Variants in SNTB1 observed in about 807,000 individuals in gnomAD.
SNTB1 encodes the protein syntrophin beta 1.
A neutral mutation model predicts 48.9 loss-of-function variants in SNTB1; 36 were observed. The ratio of observed to expected loss-of-function variants is 0.74; its 90% CI spans 0.56 to 0.97. SNTB1 has a LOEUF of 0.97. SNTB1 is among the 50% of genes least tolerant of loss of function. The pLI is 0.00. For synonymous variants in SNTB1, 299 were observed against 294.6 expected, an observed-to-expected ratio of 1.01 and a Z score of -0.15; for missense variants, 786 against 703.4, an observed-to-expected ratio of 1.12 and a Z score of -1.33.
chr8:120,731,782 C>T (rs1274903686), intron 1 of SNTB1, among the ~76,000 whole-genome samples: 2 of 152,234 alleles, frequency 1.3e-5, no homozygotes, highest in African/African-American at 2.4e-5. Flanking sequence ...TCCTCTCTAT[C>T]ACCCAGACCC....
intron 2 of SNTB1, among the ~76,000 whole-genome samples, chr8:120,683,412 C>T (rs1418132760): frequency 3.3e-5 from 5 of 151,638 alleles, no homozygotes; most frequent in Admixed American, 2.0e-4. Context: ...GAAAAATGTG[C>T]TTGTTTGTGT....
At chr8:120,712,900 C>G (rs1347207243) in intron 1 of SNTB1, among the ~76,000 whole-genome samples, 1 of 152,092 alleles carries the variant, frequency 6.6e-6, no homozygotes, top group Admixed American at 6.5e-5. Flanking sequence ...ATGATCCAGC[C>G]CTAGCATTAC....
chr8:120,618,055 G>A (rs763091918), intron 3 of SNTB1, among the ~76,000 whole-genome samples: 8 of 152,094 alleles, frequency 5.3e-5, no homozygotes, highest in Non-Finnish European at 1.2e-4. Flanking sequence ...CATGCATTTT[G>A]CGTCTTTATG....
chr8:120,721,184 G>A (rs1015888110), intron 1 of SNTB1, among the ~76,000 whole-genome samples: 18 of 152,102 alleles, frequency 1.2e-4, no homozygotes, highest in African/African-American at 4.1e-4. Flanking sequence ...CACATATTTG[G>A]TTAAGATTTC....
intron 2 of SNTB1, among the ~76,000 whole-genome samples, chr8:120,674,338 T>A (rs1817801777): frequency 6.6e-6 from 1 of 152,198 alleles, no homozygotes. Flanking sequence ...CACTGTCTAC[T>A]CTGAGCCAGT....
At chr8:120,567,416 C>CT (rs10699484) in intron 4 of SNTB1, among the ~76,000 whole-genome samples, 112,843 of 134,748 alleles carry the variant, frequency 0.84, 47,927 homozygotes, top group Middle Eastern at 0.91. Flanking sequence ...GGTTGAGCTC[C>CT]TTTTTTTTTT....
rs140493147 is a variant in SNTB1 at position 120,591,736 on chromosome 8, G to A, written c.997-16511C>T. Among the ~76,000 whole-genome samples the A allele has an allele frequency of 8.5e-3, 1,292 of 152,186 alleles. 16 individuals are homozygous for A. Among genetic ancestry groups the A allele is most frequent in the African/African-American group, 0.029 (1,214 of 41,498 alleles). On this transcript the variant is annotated intron_variant, in intron 3 of 6. Coordinates refer to ENST00000517992, the MANE Select transcript of SNTB1 (RefSeq NM_021021.4). ...GTCCTTTAGAGACTTGTTCCCCTGG[G>A]TGTCCTATGCAATCCTGTTCCATAA...
chr8:120,610,034 T>G (rs766486466), intron 3 of SNTB1, among the ~76,000 whole-genome samples: 1 of 152,246 alleles, frequency 6.6e-6, no homozygotes, highest in Non-Finnish European at 1.5e-5. Flanking sequence ...ATTCTCCTGA[T>G]CTCACATTTT....
chr8:120,645,314 T>C (rs1222690537), intron 2 of SNTB1, among the ~76,000 whole-genome samples: 2 of 150,590 alleles, frequency 1.3e-5, no homozygotes, highest in Non-Finnish European at 3.0e-5. Flanking sequence ...GTTTAAGTCT[T>C]TAATCCATAT....
At chr8:120,707,319 C>T (rs964684827) in intron 1 of SNTB1, among the ~76,000 whole-genome samples, 2 of 152,184 alleles carry the variant, frequency 1.3e-5, no homozygotes, top group African/African-American at 4.8e-5. Flanking sequence ...GCCTTTAGGA[C>T]TCAGCTCAAT....
chr8:120,575,864 G>A (rs574362886), intron 3 of SNTB1, among the ~76,000 whole-genome samples: 2 of 152,300 alleles, frequency 1.3e-5, no homozygotes, highest in Admixed American at 1.3e-4. Context: ...AGTAATGATT[G>A]GACCAGATGA....
At chr8:120,775,707 C>CAAGGAAGG (rs371412589) in intron 1 of SNTB1, among the ~76,000 whole-genome samples, 9,501 of 114,344 alleles carry the variant, frequency 0.083, 429 homozygotes, top group Admixed American at 0.11. Context: ...GGGAAGGAGA[C>CAAGGAAGG]AAGGAAGGAA....
intron 1 of SNTB1, among the ~76,000 whole-genome samples, chr8:120,740,782 G>T (rs1362859163): frequency 6.6e-6 from 1 of 151,200 alleles, no homozygotes; most frequent in Non-Finnish European, 1.5e-5. Context: ...ATCACTTTTT[G>T]TTATTATTTT....
chr8:120,576,078 CA>C (rs1778382081), intron 3 of SNTB1, among the ~76,000 whole-genome samples: 2 of 152,194 alleles, frequency 1.3e-5, no homozygotes, highest in South Asian at 4.1e-4. Context: ...TCTTGCTACT[CA>C]AAATATGGAC....
intron 1 of SNTB1, among the ~76,000 whole-genome samples, chr8:120,728,166 C>T (rs1281727841): frequency 6.6e-6 from 1 of 152,046 alleles, no homozygotes; most frequent in Non-Finnish European, 1.5e-5. Flanking sequence ...GCTGGGACTA[C>T]AGGGGTGTAT....
chr8:120,752,866 T>G (rs1383305698), intron 1 of SNTB1, among the ~76,000 whole-genome samples: 2 of 151,674 alleles, frequency 1.3e-5, no homozygotes, highest in Non-Finnish European at 2.9e-5. Context: ...AACTACCTAT[T>G]GGGTACTATA....
intron 1 of SNTB1, among the ~76,000 whole-genome samples, chr8:120,743,501 C>T (rs762982552): frequency 6.6e-6 from 1 of 152,190 alleles, no homozygotes; most frequent in South Asian, 2.1e-4. Context: ...CATGCAAAGA[C>T]CTGTGTTTAA....
intron 1 of SNTB1, among the ~76,000 whole-genome samples, chr8:120,753,980 C>T (rs1563590702): frequency 6.6e-6 from 1 of 152,158 alleles, no homozygotes; most frequent in South Asian, 2.1e-4. Context: ...TTTGTCTCAT[C>T]AATCTAAATT....
chr8:120,703,249 T>C (rs1287081886), intron 1 of SNTB1, among the ~76,000 whole-genome samples: 1 of 152,204 alleles, frequency 6.6e-6, no homozygotes, highest in East Asian at 1.9e-4. Context: ...CTCAGTCTCC[T>C]GAGTAGCTGG....
Sources: gnomAD v4.1 joint callset for allele counts (sites outside exome capture counted in the v4.1 genomes callset) on GRCh38, gnomAD v4.1.1 for gene constraint, MANE v1.5 for transcripts, NCBI Gene and HGNC (gene_info 2026-07-23, HGNC 2026-07-21) for gene names.